The following HMCN2 variants were observed in gnomAD, a reference collection of about 807,000 sequenced individuals.
The protein encoded by HMCN2 is hemicentin-2.
HMCN2 carries 325 observed loss-of-function variants against 377.5 expected under a neutral mutation model. That is an observed-to-expected ratio of 0.86 (90% CI 0.79 to 0.94). The LOEUF is 0.94. HMCN2 is among the 40% of genes least tolerant of loss of function. The probability of loss-of-function intolerance (pLI) is 0.00; values close to 1 mark genes in which losing one functional copy is unlikely to be tolerated. For synonymous variants in HMCN2, 2,007 were observed against 2,046.8 expected (o/e 0.98, Z 0.53); for missense variants, 4,543 against 4,725.3 (o/e 0.96, Z 1.13).
intron 7 of HMCN2, 76 bp downstream of exon 7, chr9:130,296,870 G>A: frequency 2.2e-6 from 1 of 454,188 alleles, no homozygotes; most frequent in Non-Finnish European, 4.6e-6. Flanking sequence ...AAGTAGGGGG[G>A]AGGTGTGGGG....
In HMCN2 at chr9:130,429,814, T is replaced by C. The variant is rs913467063; in HGVS notation, c.14326+129T>C. ...CTGGCCAGCACCTCAGCTCAGGGGC[T>C]GAGGGTGTCTAAGGCGCCAGTGCTG... On this transcript the variant is annotated intron_variant, in intron 94 of 97. Transcript: ENST00000683500. The C allele has an allele frequency of 5.6e-6, 8 of 1,424,000 alleles. No individual in the cohort carries two copies. In the Admixed American group the frequency reaches 9.0e-5, roughly 16 times the overall value. The allele number at this position is 1,424,000 out of a possible 1,614,324, so 88.2% of individuals were successfully genotyped here.
In HMCN2 at chr9:130,394,285, T is replaced by C. The variant is rs1842487236; in HGVS notation, c.10502-100T>C. ...GATGCAAGAACAAGGGCCACCAAAA[T>C]GTGGGAGCAGAGCCCCTGGACTCAG... On this transcript the variant is annotated intron_variant, in intron 68 of 97. Coordinates refer to ENST00000683500, the MANE Select transcript of HMCN2 (RefSeq NM_001291815.2). The surrounding 1 kb of genome is among the most constrained non-coding windows in gnomAD (Gnocchi z 5.1). 3 of 772,578 alleles carry C rather than the reference T, an allele frequency of 3.9e-6. No homozygotes were observed. The South Asian group carries it at 5.1e-5, about 13-fold the overall frequency. The allele number at this position is 772,578 out of a possible 1,614,324, so 47.9% of individuals were successfully genotyped here. A position where few individuals can be genotyped will look rare whatever the true frequency, so the allele number is the denominator to read the frequency against.
In HMCN2 at chr9:130,360,505, C is replaced by T. The variant is rs899756908; in HGVS notation, c.5851C>T (p.Arg1951Cys). Residue 1951 changes from arginine to cysteine, a missense_variant, in exon 38 of 98, where the codon CGC (arginine) becomes TGC (cysteine). Physicochemically the swap from Arg to Cys is radical, Grantham distance 180. This residue lies in a region of HMCN2 where 1,032 missense variants were observed against 1,285.1 expected (regional missense o/e 0.80). Transcript: ENST00000683500. The surrounding 1 kb of genome is among the most constrained non-coding windows in gnomAD (Gnocchi z 4.7). ...AGTATCAGTGGATGGGAGAGTTCTC[C>T]GCATTGAGCAAGCCCAGCTTTCTGA... ...VTVSVDGRVLRIEQAQLSDAG... is the reference protein window; with the variant it reads ...VTVSVDGRVLCIEQAQLSDAG... The T allele has an allele frequency of 1.5e-5, 19 of 1,303,996 alleles. No homozygotes were observed. The highest frequency in any genetic ancestry group is 5.5e-5 in the East Asian group (1 of 18,022). 80.8% of individuals were successfully genotyped at this position (1,303,996 alleles called of 1,614,324 possible).
chr9:130,399,601 G>A lies in HMCN2; in HGVS notation c.11574G>A (p.Glu3858=), dbSNP rs1193001698. 1.6e-5 allele frequency: 20 copies of A among 1,289,662 alleles called. No individual in the cohort carries two copies. In the East Asian group the frequency reaches 1.1e-3, roughly 72 times the overall value. The allele number at this position is 1,289,662 out of a possible 1,614,324, so 79.9% of individuals were successfully genotyped here. A position where few individuals can be genotyped will look rare whatever the true frequency, so the allele number is the denominator to read the frequency against. Residue 3858 remains glutamate (E), a synonymous_variant, in exon 76 of 98, where the codon GAG becomes GAA. Transcript: ENST00000683500. ...GCGTGGTGAGCAATGAGGTGGGCGAGGCCCACAGGCTCTACCAGGTGACCG... is the reference window on the plus strand; with the variant it reads ...GCGTGGTGAGCAATGAGGTGGGCGAAGCCCACAGGCTCTACCAGGTGACCG... ...FECVVSNEVG[E]AHRLYQVTVH... is the part of the protein sequence containing the mutation.
chr9:130,292,796 T>C (rs1835856699), intron 4 of HMCN2, among the ~76,000 whole-genome samples: 1 of 152,208 alleles, frequency 6.6e-6, no homozygotes, highest in Admixed American at 6.5e-5. Context: ...GAATAACCCA[T>C]CATCCCAGGC....
Position 130,414,722 on chromosome 9 carries a change from C to T in HMCN2, c.12962-4050C>T, listed in dbSNP as rs969949019. On this transcript the variant is annotated intron_variant, in intron 85 of 97. Transcript: ENST00000683500. The surrounding 1 kb of genome is among the most constrained non-coding windows in gnomAD (Gnocchi z 4.4). ...GGCTCGGGTGATCATCCCATCTCAG[C>T]CTCCCAAGTAGCTGGGACTGCAGGC... is the stretch of plus-strand genomic sequence containing the variant. Among the ~76,000 whole-genome samples, 1 of 152,024 alleles carries T rather than the reference C, an allele frequency of 6.6e-6. No individual in the cohort carries two copies. Among genetic ancestry groups the T allele is most frequent in the African/African-American group, 2.4e-5 (1 of 41,408 alleles).
At chr9:130,314,259 G>C (rs1275341477) in intron 15 of HMCN2, among the ~76,000 whole-genome samples, 2 of 152,212 alleles carry the variant, frequency 1.3e-5, no homozygotes, top group Non-Finnish European at 2.9e-5. Context: ...GCTGGGCTCT[G>C]TGGCGAGGGG....
At position 130,423,412 on chromosome 9, in the gene HMCN2, CAG is replaced by C. The variant is rs1258350059; in HGVS notation, c.13381+687_13381+688del. On this transcript the variant is annotated intron_variant, in intron 87 of 97. Coordinates refer to ENST00000683500, the MANE Select transcript of HMCN2 (RefSeq NM_001291815.2). The surrounding 1 kb of genome is among the most constrained non-coding windows in gnomAD (Gnocchi z 5.5). ...TGGTCCCGCATGAGCAGTGTGGGGT[CAG>C]GGGATTTTGCTGGGGAAGTCACTCT... is the stretch of plus-strand genomic sequence containing the variant. Among the ~76,000 whole-genome samples, 2 of 152,170 alleles carry C rather than the reference CAG, an allele frequency of 1.3e-5. No homozygotes were observed.
Position 130,394,624 on chromosome 9 carries a change from G to GC in HMCN2, c.10692+49_10692+50insC. ...CGAGGCTGGGGGTTGGGGGAGAGGG[G>GC]AGGGACTGCAGGTTCCCCAGACCCA... On this transcript the variant is annotated intron_variant, in intron 69 of 97. Coordinates refer to ENST00000683500, the MANE Select transcript of HMCN2 (RefSeq NM_001291815.2). This position sits in a 1 kb window ranked among gnomAD's most constrained non-coding sequence, Gnocchi z 5.1. 1 of 1,227,920 alleles carries GC rather than the reference G, an allele frequency of 8.1e-7. No individual in the cohort carries two copies. Among genetic ancestry groups the GC allele is most frequent in the Non-Finnish European group, 1.1e-6 (1 of 951,960 alleles). The allele number at this position is 1,227,920 out of a possible 1,614,324, so 76.1% of individuals were successfully genotyped here. A position where few individuals can be genotyped will look rare whatever the true frequency, so the allele number is the denominator to read the frequency against.
intron 93 of HMCN2, 89 bp from the exon 94 acceptor site, chr9:130,429,468 G>A (rs907660218): frequency 8.0e-6 from 12 of 1,490,798 alleles, no homozygotes; most frequent in Non-Finnish European, 9.1e-6. Flanking sequence ...ACAGGGAGGA[G>A]GCCCAGATAT....
chr9:130,266,169 C>T (rs1554918924), intron 1 of HMCN2, 32 bp downstream of exon 1: 1 of 453,170 alleles, frequency 2.2e-6, no homozygotes, highest in Non-Finnish European at 4.5e-6. Context: ...CCGCCGGGCG[C>T]CCCCTTCGAG....
rs1444905642 is a variant in HMCN2, at chr9:130,394,016, C to A, written c.10501+8C>A. ...TCCAGCTGACCGTCATGGGTGGGTC[C>A]TCTGGCCTCTGGCCAGCTTCTCTGG... is the stretch of plus-strand genomic sequence containing the variant. On this transcript the variant is annotated splice_region_variant and intron_variant, in intron 68 of 97. Coordinates refer to ENST00000683500, the MANE Select transcript of HMCN2 (RefSeq NM_001291815.2). The surrounding 1 kb of genome is among the most constrained non-coding windows in gnomAD (Gnocchi z 5.1). 7.4e-6 allele frequency: 9 copies of A among 1,223,970 alleles called. No homozygotes were observed. Among genetic ancestry groups the A allele is most frequent in the Non-Finnish European group, 9.4e-6 (9 of 959,840 alleles). 75.8% of individuals were successfully genotyped at this position (1,223,970 alleles called of 1,614,324 possible). A position where few individuals can be genotyped will look rare whatever the true frequency, so the allele number is the denominator to read the frequency against.
Position 130,299,056 on chromosome 9 carries a change from G to A in HMCN2, c.1044G>A (p.Thr348=), listed in dbSNP as rs782424000. The A allele has an allele frequency of 1.5e-5, 7 of 470,556 alleles. No homozygotes were observed. The highest frequency in any genetic ancestry group is 6.9e-5 in the East Asian group (1 of 14,394). The allele number at this position is 470,556 out of a possible 1,614,324, so 29.1% of individuals were successfully genotyped here. A position where few individuals can be genotyped will look rare whatever the true frequency, so the allele number is the denominator to read the frequency against. ...CCATCTCCCTGGTGATCAATTCCACGGGCCTGAAGGCACCCGGCCGCCTAG... is the reference window on the plus strand; with the variant it reads ...CCATCTCCCTGGTGATCAATTCCACAGGCCTGAAGGCACCCGGCCGCCTAG... ...GVPISLVINS[T]GLKAPGRLDS... is the part of the protein sequence containing the mutation. The change falls in exon 8 of 98, where the codon ACG becomes ACA. Residue 348 remains threonine, a synonymous_variant. Coordinates refer to ENST00000683500, the MANE Select transcript of HMCN2 (RefSeq NM_001291815.2).
chr9:130,402,940 G>A, intron 78 of HMCN2, 44 bp downstream of exon 78: 5 of 1,263,112 alleles, frequency 4.0e-6, no homozygotes, highest in Non-Finnish European at 5.2e-6. Flanking sequence ...AGGGCCAGGG[G>A]AGCAGGTGGA....
intron 3 of HMCN2, 142 bp from the exon 4 acceptor site, chr9:130,286,046 T>C: frequency 2.7e-6 from 1 of 371,478 alleles, no homozygotes; most frequent in Non-Finnish European, 5.5e-6. Flanking sequence ...CTTCTATTCA[T>C]GTGTCATATG....
chr9:130,348,399 A>T, intron 26 of HMCN2, 146 bp from the exon 27 acceptor site: 1 of 1,199,766 alleles, frequency 8.3e-7, no homozygotes, highest in Non-Finnish European at 1.1e-6. Context: ...GCAGGTCCAC[A>T]GGACCCTTTG....
intron 4 of HMCN2, among the ~76,000 whole-genome samples, chr9:130,290,063 G>A (rs953708610): frequency 7.2e-5 from 11 of 152,212 alleles, no homozygotes; most frequent in Non-Finnish European, 1.3e-4. Context: ...CCTTCCCCAT[G>A]GGTGACAGAG....
At position 130,358,574 on chromosome 9, in the gene HMCN2, G is replaced by T. The variant is rs532772899; in HGVS notation, c.5677+88G>T. 35 of 1,213,200 alleles carry T rather than the reference G, an allele frequency of 2.9e-5. No individual in the cohort carries two copies. In the Middle Eastern group the frequency reaches 7.1e-4, roughly 25 times the overall value. 75.2% of individuals were successfully genotyped at this position (1,213,200 alleles called of 1,614,324 possible). Reference sequence around the variant, plus strand: ...TGGGGCTGAAGTGTGTGGCGAGGGAGGGGGAGGAGGTTTTTCAGTCATAGT... The same window carrying T: ...TGGGGCTGAAGTGTGTGGCGAGGGATGGGGAGGAGGTTTTTCAGTCATAGT... On this transcript the variant is annotated intron_variant, in intron 36 of 97. Transcript: ENST00000683500.
chr9:130,336,881 A>G (rs1206177864), intron 22 of HMCN2, among the ~76,000 whole-genome samples: 1 of 151,994 alleles, frequency 6.6e-6, no homozygotes, highest in Non-Finnish European at 1.5e-5. Flanking sequence ...GACCCCTAAG[A>G]ATTCTATAAG....
Sources: gnomAD v4.1 joint callset for allele counts (sites outside exome capture counted in the v4.1 genomes callset) on GRCh38, gnomAD v4.1.1 for gene constraint, gnomAD v4.1.1 regional missense constraint, Gnocchi (gnomAD v3.1) non-coding constraint, MANE v1.5 for transcripts, NCBI Gene and HGNC (gene_info 2026-07-23, HGNC 2026-07-21) for gene names.